Variants in ARHGAP24 observed in about 807,000 individuals in gnomAD.
ARHGAP24 encodes the protein rho GTPase-activating protein 24.
A neutral mutation model predicts 76.4 loss-of-function variants in ARHGAP24; 50 were observed. That is an observed-to-expected ratio of 0.65 (90% confidence interval 0.52 to 0.83). The LOEUF (loss-of-function observed/expected upper bound fraction) is 0.83. Ranked by LOEUF, ARHGAP24 falls within the 40% of genes least tolerant of loss-of-function variation. ARHGAP24 has a pLI of 0.00. For synonymous variants in ARHGAP24, 345 were observed against 323.3 expected (o/e 1.07, Z -0.72); for missense variants, 930 against 914.2 (o/e 1.02, Z -0.22).
At chr4:85,718,224 G>A (rs1724803702) in intron 2 of ARHGAP24, among the ~76,000 whole-genome samples, 1 of 152,094 alleles carries the variant, frequency 6.6e-6, no homozygotes, top group Non-Finnish European at 1.5e-5. Context: ...GGATGTTAAA[G>A]TATGTATACT....
Position 85,583,775 on chromosome 4 carries a change from G to A in ARHGAP24, c.180+13054G>A, listed in dbSNP as rs1727716354. On this transcript the variant is annotated intron_variant, in intron 2 of 9. Coordinates refer to ENST00000395184, the MANE Select transcript of ARHGAP24 (RefSeq NM_001025616.3). ...AAAAAAAAAACCCCATCAAAAAGTG[G>A]GCAAAGGACATGAATAGACACTTCT... Among the ~76,000 whole-genome samples, 5 of 150,342 alleles carry A rather than the reference G, an allele frequency of 3.3e-5. No homozygotes were observed. The South Asian group carries it at 1.1e-3, about 32-fold the overall frequency.
intron 3 of ARHGAP24, among the ~76,000 whole-genome samples, chr4:85,911,143 C>T (rs28434164): frequency 0.16 from 24,467 of 152,202 alleles, 2,067 homozygotes; most frequent in South Asian, 0.3. Flanking sequence ...CCCAGGAGGG[C>T]GGGGCTCCTG....
intron 3 of ARHGAP24, among the ~76,000 whole-genome samples, chr4:85,749,367 C>T (rs568225346): frequency 6.6e-6 from 1 of 152,262 alleles, no homozygotes; most frequent in East Asian, 1.9e-4. Flanking sequence ...CCATTGCGAA[C>T]AAACAAAAAT....
chr4:85,821,767 G>T (rs1036619708), intron 3 of ARHGAP24, among the ~76,000 whole-genome samples: 4 of 152,044 alleles, frequency 2.6e-5, no homozygotes, highest in Non-Finnish European at 5.9e-5. Flanking sequence ...AATAATATCA[G>T]ATCATTACAT....
intron 1 of ARHGAP24, 116 bp from the exon 2 acceptor site, chr4:85,570,381 TCTTTCTTTCTTTCTTTCTTTCTTTC>T: frequency 5.4e-5 from 1 of 18,668 alleles, no homozygotes; most frequent in South Asian, 4.7e-4. Context: ...TTTCTTTCTT[TCTTTCTTTCTTTCTTTCTTTCTTTC>T]TTTCTTTCTT....
At chr4:85,713,275 C>T (rs2110036333) in intron 2 of ARHGAP24, among the ~76,000 whole-genome samples, 1 of 152,202 alleles carries the variant, frequency 6.6e-6, no homozygotes. Flanking sequence ...TACTGTACTC[C>T]AGCCTGGGTG....
At chr4:85,802,741 A>G (rs184476325) in intron 3 of ARHGAP24, among the ~76,000 whole-genome samples, 1 of 152,340 alleles carries the variant, frequency 6.6e-6, no homozygotes, top group African/African-American at 2.4e-5. Flanking sequence ...TGGTGAGCTG[A>G]GACCGCACCA....
At chr4:85,806,134 T>C (rs553987327) in intron 3 of ARHGAP24, among the ~76,000 whole-genome samples, 3 of 152,320 alleles carry the variant, frequency 2.0e-5, no homozygotes, top group Admixed American at 1.3e-4. Flanking sequence ...CTAAACTTGT[T>C]CCAATTTGGT....
intron 1 of ARHGAP24, among the ~76,000 whole-genome samples, chr4:85,498,923 C>A (rs1198994296): frequency 1.3e-5 from 2 of 152,252 alleles, no homozygotes; most frequent in East Asian, 3.9e-4. Context: ...TATTGTCATA[C>A]ATTTATTTTT....
At chr4:85,945,484 C>T (rs1009606658) in intron 5 of ARHGAP24, among the ~76,000 whole-genome samples, 5 of 151,934 alleles carry the variant, frequency 3.3e-5, no homozygotes, top group African/African-American at 1.2e-4. Flanking sequence ...ATGAAAAGGC[C>T]TGAGCGGGGT....
intron 3 of ARHGAP24, among the ~76,000 whole-genome samples, chr4:85,746,135 T>C (rs773957719): frequency 3.8e-4 from 58 of 152,232 alleles, no homozygotes; most frequent in South Asian, 8.3e-4. Context: ...ATACCTGCTT[T>C]TTTCACTGTG....
intron 3 of ARHGAP24, among the ~76,000 whole-genome samples, chr4:85,823,493 C>T (rs550950940): frequency 1.3e-5 from 2 of 152,222 alleles, no homozygotes; most frequent in East Asian, 3.9e-4. Context: ...ACAGGAGCAC[C>T]AATGTTCCCA....
intron 3 of ARHGAP24, among the ~76,000 whole-genome samples, chr4:85,784,941 ATCTATCTATCTATCTATCTC>A (rs1449392571): frequency 1.7e-4 from 26 of 148,758 alleles, no homozygotes; most frequent in African/African-American, 5.5e-4. Flanking sequence ...CTATCTATCT[ATCTATCTATCTATCTATCTC>A]TCTATCTCTC....
rs773277508 is a variant in ARHGAP24, at chr4:85,595,723, G to A, written c.180+25002G>A. ...CCAGGATGATTTCAGGGAGACTGAC[G>A]TAATGACAAAAAAATCCCAAAGATA... On this transcript the variant is annotated intron_variant, in intron 2 of 9. Coordinates refer to ENST00000395184, the MANE Select transcript of ARHGAP24 (RefSeq NM_001025616.3). Among the ~76,000 whole-genome samples the A allele has an allele frequency of 3.2e-4, 48 of 152,054 alleles. 1 individual carries two copies. Among genetic ancestry groups the A allele is most frequent in the Admixed American group, 2.2e-3 (33 of 15,228 alleles).
At chr4:85,742,276 A>T (rs746083069) in intron 3 of ARHGAP24, among the ~76,000 whole-genome samples, 3 of 152,210 alleles carry the variant, frequency 2.0e-5, no homozygotes, top group Non-Finnish European at 4.4e-5. Flanking sequence ...GATACTGATG[A>T]TGTCTCTCTC....
chr4:85,629,862 G>A lies in ARHGAP24; in HGVS notation c.180+59141G>A, dbSNP rs185063670. On this transcript the variant is annotated intron_variant, in intron 2 of 9. Transcript: ENST00000395184. ...CTATTAGGTGTTGTTTGGGCTTCAT[G>A]GATCTGAATGTTAATTTACCTTGAC... 2.8e-3 allele frequency among the ~76,000 whole-genome samples: 427 copies of A among 152,056 alleles called. 1 individual carries two copies. Among genetic ancestry groups the A allele is most frequent in the Non-Finnish European group, 3.2e-3 (216 of 67,960 alleles).
At chr4:85,573,423 A>G (rs775506151) in intron 2 of ARHGAP24, among the ~76,000 whole-genome samples, 25 of 152,154 alleles carry the variant, frequency 1.6e-4, no homozygotes, top group Non-Finnish European at 3.1e-4. Flanking sequence ...TGCCTGGCAC[A>G]TGGTAACTGT....
chr4:85,975,859 T>C (rs1203398710), intron 7 of ARHGAP24: 2 of 152,194 alleles, frequency 1.3e-5, no homozygotes, highest in East Asian at 1.9e-4. Flanking sequence ...ATATCAGACA[T>C]TTTGGTGTTA....
At chr4:85,709,982 CA>C (rs1279464129) in intron 2 of ARHGAP24, among the ~76,000 whole-genome samples, 1 of 152,008 alleles carries the variant, frequency 6.6e-6, no homozygotes, top group Non-Finnish European at 1.5e-5. Flanking sequence ...ATCAAATTAC[CA>C]ATGACATTCT....
Sources: allele counts gnomAD v4.1 joint callset (sites outside exome capture counted in the v4.1 genomes callset), GRCh38; gene constraint gnomAD v4.1.1; transcripts MANE v1.5; gene names NCBI Gene and HGNC (gene_info 2026-07-23, HGNC 2026-07-21).